The following RB1 variants were observed in gnomAD, a reference collection of about 807,000 sequenced individuals.
The protein encoded by RB1 is retinoblastoma-associated protein.
Under a neutral mutation model 135.4 loss-of-function variants are expected in RB1, and 18 were observed. That is an observed-to-expected ratio of 0.13 (90% CI 0.09 to 0.20). The LOEUF is 0.20. Ranked by LOEUF, RB1 falls within the 10% of genes least tolerant of loss-of-function variation. The pLI is 1.00. For synonymous variants in RB1, 365 were observed against 373.2 expected (o/e 0.98, Z 0.25); for missense variants, 868 against 1,110.0 (o/e 0.78, Z 3.10).
At chr13:48,309,029 G>GT (rs1353145931) in intron 2 of RB1, among the ~76,000 whole-genome samples, 1 of 151,928 alleles carries the variant, frequency 6.6e-6, no homozygotes, top group Non-Finnish European at 1.5e-5. Context: ...GGATATTTGG[G>GT]TTTTTTCCAA....
At position 48,458,648 on chromosome 13, in the gene RB1, G is replaced by A. The variant is rs115786422; in HGVS notation, c.1961-1040G>A. 9.7e-3 allele frequency among the ~76,000 whole-genome samples: 1,471 copies of A among 152,212 alleles called. 35 individuals carry two copies. Among genetic ancestry groups the A allele is most frequent in the African/African-American group, 0.034 (1,396 of 41,516 alleles). On this transcript the variant is annotated intron_variant, in intron 19 of 26. Transcript: ENST00000267163. The stretch of plus-strand genomic sequence containing the variant: ...TTTTAACAACCCTCCAGCTAAGTCT[G>A]ATGTATGCTAAAGTTTAAGACCACT...
At chr13:48,478,836 ACTCATGCCTAC>A (rs1171487986) in intron 26 of RB1, among the ~76,000 whole-genome samples, 1 of 152,170 alleles carries the variant, frequency 6.6e-6, no homozygotes, top group East Asian at 1.9e-4. Context: ...TTTATAAAGA[ACTCATGCCTAC>A]CTCTAAAATC....
chr13:48,318,453 T>C, intron 2 of RB1: 1 of 1,404,750 alleles, frequency 7.1e-7, no homozygotes. Context: ...TTCGGAGCTC[T>C]CCTTCTCGTC....
At chr13:48,418,853 A>G (rs1021808466) in intron 17 of RB1, among the ~76,000 whole-genome samples, 3 of 152,212 alleles carry the variant, frequency 2.0e-5, no homozygotes, top group Non-Finnish European at 4.4e-5. Context: ...CTAAGTATGT[A>G]TGCACCCAAT....
intron 21 of RB1, among the ~76,000 whole-genome samples, chr13:48,464,281 T>G (rs1221270454): frequency 2.0e-5 from 3 of 152,216 alleles, no homozygotes; most frequent in African/African-American, 7.2e-5. Flanking sequence ...TAAAATATAC[T>G]TGGTATGACA....
In RB1 at chr13:48,362,828, A is replaced by G. The variant is rs1171026832; in HGVS notation, c.732A>G (p.Ile244Met). 2 of 1,613,752 alleles carry G rather than the reference A, an allele frequency of 1.2e-6. No homozygotes were observed. Among genetic ancestry groups the G allele is most frequent in the Non-Finnish European group, 1.7e-6 (2 of 1,179,750 alleles). ...CCACTTTTACAGAAACAGCTGTTAT[A>G]CCCATTAATGGTTCACCTCGAACAC... ...LLKEPYKTAV[I>M]PINGSPRTPR... The change falls in exon 8 of 27, where the codon ATA becomes ATG. Residue 244 changes from isoleucine (I) to methionine (M), a missense_variant. Ile to Met is a conservative substitution (Grantham distance 10, BLOSUM62 1). Coordinates refer to ENST00000267163, the MANE Select transcript of RB1 (RefSeq NM_000321.3).
chr13:48,432,544 C>G (rs1949141154), intron 17 of RB1, among the ~76,000 whole-genome samples: 1 of 151,966 alleles, frequency 6.6e-6, no homozygotes, highest in Admixed American at 6.6e-5. Flanking sequence ...TCCACCCTGA[C>G]TTGTCTCTTC....
intron 2 of RB1, chr13:48,317,571 T>A (rs1566178399): frequency 4.6e-6 from 2 of 431,148 alleles, no homozygotes; most frequent in Non-Finnish European, 8.3e-6. Context: ...TAAAAGCACT[T>A]CTGGCAGCAT....
chr13:48,386,516 CTT>C (rs1018591485), intron 17 of RB1, among the ~76,000 whole-genome samples: 2 of 152,112 alleles, frequency 1.3e-5, no homozygotes, highest in African/African-American at 4.8e-5. Flanking sequence ...ACCCGTCACT[CTT>C]TTCGTGAAAC....
intron 9 of RB1, among the ~76,000 whole-genome samples, chr13:48,367,011 C>G (rs778582790): frequency 1.4e-5 from 2 of 144,494 alleles, no homozygotes; most frequent in African/African-American, 5.1e-5. Flanking sequence ...CCCAGCTACT[C>G]GGGAGGCTGA....
chr13:48,380,372 T>A, intron 16 of RB1, 131 bp downstream of exon 16: 1 of 679,590 alleles, frequency 1.5e-6, no homozygotes, highest in Non-Finnish European at 2.5e-6. Flanking sequence ...CACTATATAC[T>A]GAAGAATGTA....
At chr13:48,305,910 G>A (rs1952076867) in intron 1 of RB1, among the ~76,000 whole-genome samples, 2 of 152,200 alleles carry the variant, frequency 1.3e-5, no homozygotes, top group South Asian at 4.1e-4. Flanking sequence ...CCTAAGTAAT[G>A]TAGCTGGAAG....
chr13:48,343,530 G>T (rs1221594282), intron 3 of RB1, among the ~76,000 whole-genome samples: 3 of 152,078 alleles, frequency 2.0e-5, no homozygotes, highest in African/African-American at 7.2e-5. Flanking sequence ...TAATAGAAAT[G>T]ACATAAATAG....
chr13:48,378,805 T>C (rs1456216774), intron 13 of RB1, among the ~76,000 whole-genome samples: 2 of 152,044 alleles, frequency 1.3e-5, no homozygotes, highest in African/African-American at 2.4e-5. Flanking sequence ...CACTAAACAA[T>C]AGGAATTTTT....
chr13:48,481,035 C>G lies in RB1; in HGVS notation c.*964C>G, dbSNP rs4151633. On this transcript the variant is annotated 3_prime_UTR_variant, in exon 27 of 27. Transcript: ENST00000267163. ...ATAAACAGACTGTTAATTATAGGAG[C>G]CTTAATTTTTTTTTCATAGAGATTT... The G allele has an allele frequency of 0.01, 2,400 of 229,502 alleles. 62 individuals carry two copies. Among genetic ancestry groups the G allele is most frequent in the African/African-American group, 0.049 (2,198 of 45,184 alleles). The allele number at this position is 229,502 out of a possible 1,614,324, so 14.2% of individuals were successfully genotyped here.
At chr13:48,371,101 G>A (rs2138127029) in intron 11 of RB1, among the ~76,000 whole-genome samples, 1 of 152,314 alleles carries the variant, frequency 6.6e-6, no homozygotes, top group Non-Finnish European at 1.5e-5. Context: ...GAAGTCACAG[G>A]AGAGGAGAGT....
chr13:48,410,481 G>T lies in RB1; in HGVS notation c.1695+29038G>T, dbSNP rs567854853. On this transcript the variant is annotated intron_variant, in intron 17 of 26. Coordinates refer to ENST00000267163, the MANE Select transcript of RB1 (RefSeq NM_000321.3). Reference sequence around the variant, plus strand: ...CCTAAGCAAGCATCATAAGCAACACGTGACAGTATATTACTTTCTAAATGC... The same window carrying T: ...CCTAAGCAAGCATCATAAGCAACACTTGACAGTATATTACTTTCTAAATGC... Among the ~76,000 whole-genome samples, 52 of 152,266 alleles carry T rather than the reference G, an allele frequency of 3.4e-4. 1 individual carries two copies. Among genetic ancestry groups the T allele is most frequent in the African/African-American group, 1.2e-3 (48 of 41,562 alleles).
At position 48,307,109 on chromosome 13, in the gene RB1, A is replaced by C. The variant is rs150123753; in HGVS notation, c.138-171A>C. The stretch of plus-strand genomic sequence containing the variant: ...TGGAATGACCATGAAAAAGATAATC[A>C]TATGTTTAAATTTGAAGTGTAATGT... On this transcript the variant is annotated intron_variant, in intron 1 of 26. Transcript: ENST00000267163. 5.5e-3 allele frequency among the ~76,000 whole-genome samples: 835 copies of C among 152,344 alleles called. 5 individuals carry two copies. Among genetic ancestry groups the C allele is most frequent in the Middle Eastern group, 0.01 (3 of 294 alleles).
chr13:48,411,328 A>G, intron 17 of RB1: 1 of 1,340,864 alleles, frequency 7.5e-7, no homozygotes, highest in Non-Finnish European at 1.1e-6. Flanking sequence ...GTCCAAAAAG[A>G]CACTTTTCAC....
Sources: gnomAD v4.1 joint callset for allele counts (sites outside exome capture counted in the v4.1 genomes callset) on GRCh38, gnomAD v4.1.1 for gene constraint, MANE v1.5 for transcripts, NCBI Gene and HGNC (gene_info 2026-07-23, HGNC 2026-07-21) for gene names.